Variants in ANO5 observed in about 807,000 individuals in gnomAD.
ANO5 encodes anoctamin 5, also known as anoctamin-5.
In ANO5, 109 loss-of-function variants were observed where a neutral mutation model predicts 121.0. The observed-to-expected ratio is 0.90, with a 90% confidence interval of 0.77 to 1.06. ANO5 has a LOEUF of 1.06. ANO5 is among the 50% of genes least tolerant of loss of function. The pLI is 0.00. For synonymous variants in ANO5, 406 were observed against 359.9 expected (o/e 1.13, Z -1.45); for missense variants, 1,064 against 1,078.5 (o/e 0.99, Z 0.19).
At chr11:22,276,068 T>G in intron 20 of ANO5, 26 bp from the exon 21 acceptor site, 2 of 1,433,504 alleles carry the variant, frequency 1.4e-6, no homozygotes, top group Non-Finnish European at 2.0e-6. Flanking sequence ...TTATTTTTTT[T>G]TTTTGCATTT....
At chr11:22,196,188 G>C (rs1039831295) in intron 1 of ANO5, among the ~76,000 whole-genome samples, 2 of 152,152 alleles carry the variant, frequency 1.3e-5, no homozygotes, top group Non-Finnish European at 2.9e-5. Flanking sequence ...AAGTCCAAGA[G>C]CATGGTATTG....
chr11:22,200,789 T>G (rs527672559), intron 1 of ANO5, among the ~76,000 whole-genome samples: 178 of 152,284 alleles, frequency 1.2e-3, no homozygotes, highest in Middle Eastern at 3.4e-3. Flanking sequence ...ATACAAAAAG[T>G]AAAATAAATT....
chr11:22,239,457 G>C, intron 8 of ANO5, 112 bp from the exon 9 acceptor site: 1 of 757,436 alleles, frequency 1.3e-6, no homozygotes. Context: ...AAATCTAAAA[G>C]TAAAAGAAAA....
chr11:22,233,673 A>T (rs1405381676), intron 7 of ANO5, among the ~76,000 whole-genome samples: 1 of 152,114 alleles, frequency 6.6e-6, no homozygotes, highest in East Asian at 1.9e-4. Flanking sequence ...AAACTCTTGC[A>T]AAAATTGCCC....
chr11:22,270,088 T>C (rs1404311924), intron 17 of ANO5, among the ~76,000 whole-genome samples: 3 of 152,168 alleles, frequency 2.0e-5, no homozygotes, highest in Non-Finnish European at 4.4e-5. Context: ...AAAGATTGTC[T>C]CATTTTCTCA....
chr11:22,200,388 T>A (rs77497391), intron 1 of ANO5, among the ~76,000 whole-genome samples: 1,696 of 152,268 alleles, frequency 0.011, 44 homozygotes, highest in African/African-American at 0.039. Context: ...TACCTTGCAA[T>A]GTAAAGTACT....
chr11:22,217,225 C>T (rs948636751), intron 3 of ANO5, among the ~76,000 whole-genome samples: 1 of 151,934 alleles, frequency 6.6e-6, no homozygotes, highest in South Asian at 2.1e-4. Context: ...GATTATTTAT[C>T]CATGCATTAC....
At chr11:22,208,280 A>C (rs1347989815) in intron 2 of ANO5, among the ~76,000 whole-genome samples, 1 of 152,074 alleles carries the variant, frequency 6.6e-6, no homozygotes, top group Non-Finnish European at 1.5e-5. Flanking sequence ...AAACAACCTA[A>C]GTGTCCTACA....
At chr11:22,222,767 T>C (rs1852696311) in intron 5 of ANO5, among the ~76,000 whole-genome samples, 1 of 143,998 alleles carries the variant, frequency 6.9e-6, no homozygotes, top group Admixed American at 6.9e-5. Context: ...AAGGAAAACT[T>C]ACAATTTACT....
At chr11:22,274,381 A>G (rs565208900) in intron 19 of ANO5, among the ~76,000 whole-genome samples, 188 bp from the exon 20 acceptor site, 1 of 152,116 alleles carries the variant, frequency 6.6e-6, no homozygotes, top group East Asian at 1.9e-4. Context: ...ATCTTGGAAT[A>G]CTGATCACAC....
At chr11:22,274,320 GAC>G (rs1218180310) in intron 19 of ANO5, among the ~76,000 whole-genome samples, 3 of 152,058 alleles carry the variant, frequency 2.0e-5, no homozygotes, top group Admixed American at 6.6e-5. Flanking sequence ...GGTTCGTAGA[GAC>G]AGATACATTT....
At chr11:22,243,616 G>A (rs527477309) in intron 9 of ANO5, among the ~76,000 whole-genome samples, 1 of 151,066 alleles carries the variant, frequency 6.6e-6, no homozygotes, top group South Asian at 2.1e-4. Context: ...TGGTCTGTTT[G>A]GGTTTTTACT....
intron 20 of ANO5, among the ~76,000 whole-genome samples, chr11:22,274,957 G>A (rs1426403109): frequency 6.6e-6 from 1 of 151,982 alleles, no homozygotes; most frequent in East Asian, 1.9e-4. Flanking sequence ...TATGGGTAAA[G>A]GTAAAATGGC....
intron 18 of ANO5, among the ~76,000 whole-genome samples, chr11:22,271,922 A>G (rs944317795): frequency 6.6e-6 from 1 of 152,188 alleles, no homozygotes; most frequent in South Asian, 2.1e-4. Flanking sequence ...GTGAATATGT[A>G]TTTTTTTCAC....
intron 9 of ANO5, among the ~76,000 whole-genome samples, chr11:22,243,300 C>T (rs543760076): frequency 1.3e-5 from 2 of 151,954 alleles, no homozygotes; most frequent in East Asian, 3.9e-4. Flanking sequence ...TTGATGTGCT[C>T]CTGGATTTGG....
intron 1 of ANO5, among the ~76,000 whole-genome samples, chr11:22,196,501 G>GTT (rs34588581): frequency 0.5 from 72,985 of 145,412 alleles, 19,437 homozygotes; most frequent in Middle Eastern, 0.62. Context: ...TGTTATGAGA[G>GTT]TTTTTTTTTT....
chr11:22,258,421 T>C (rs1854074322), intron 14 of ANO5, among the ~76,000 whole-genome samples: 1 of 152,208 alleles, frequency 6.6e-6, no homozygotes, highest in Non-Finnish European at 1.5e-5. Context: ...AGGACTCTCT[T>C]TTGAGAAATC....
At chr11:22,277,218 A>G (rs7949881) in intron 21 of ANO5, among the ~76,000 whole-genome samples, 32,645 of 151,360 alleles carry the variant, frequency 0.22, 5,650 homozygotes, top group African/African-American at 0.48. Flanking sequence ...GAGGGGGAAA[A>G]AAAACTTTCT....
At chr11:22,233,010 C>T (rs959885843) in intron 7 of ANO5, among the ~76,000 whole-genome samples, 6 of 151,982 alleles carry the variant, frequency 3.9e-5, no homozygotes, top group Admixed American at 3.3e-4. Flanking sequence ...TACCCCTTCC[C>T]GCAAGTTTGA....
Sources: allele counts gnomAD v4.1 joint callset (sites outside exome capture counted in the v4.1 genomes callset), GRCh38; gene constraint gnomAD v4.1.1; transcripts MANE v1.5; gene names NCBI Gene and HGNC (gene_info 2026-07-23, HGNC 2026-07-21).